ATAD2: variants seen among roughly 807,000 people sequenced by gnomAD.
ATAD2 encodes the protein ATPase family AAA domain-containing protein 2.
A neutral mutation model predicts 168.9 loss-of-function variants in ATAD2; 62 were observed. The ratio of observed to expected loss-of-function variants is 0.37; its 90% CI spans 0.30 to 0.45. The LOEUF is 0.45. Among genes scored for constraint, ATAD2 ranks in the 20% least tolerant of loss-of-function variants. The pLI, the probability that ATAD2 is intolerant of heterozygous loss-of-function variation, is 1.00. For synonymous variants in ATAD2, 613 were observed against 571.6 expected, an observed-to-expected ratio of 1.07 and a Z score of -1.03; for missense variants, 1,419 against 1,667.8, an observed-to-expected ratio of 0.85 and a Z score of 2.60.
intron 2 of ATAD2, among the ~76,000 whole-genome samples, chr8:123,377,194 G>T (rs1829345474): frequency 6.6e-6 from 1 of 150,578 alleles, no homozygotes. Context: ...ACTTGAGCCT[G>T]GGGGGTTGAG....
At chr8:123,340,112 A>T (rs1288403155) in intron 19 of ATAD2, among the ~76,000 whole-genome samples, 2 of 152,022 alleles carry the variant, frequency 1.3e-5, no homozygotes, top group African/African-American at 4.8e-5. Flanking sequence ...CTGATCTCAA[A>T]TTCCTGGGCT....
intron 19 of ATAD2, among the ~76,000 whole-genome samples, chr8:123,343,544 T>A (rs1165955853): frequency 6.6e-6 from 1 of 152,176 alleles, no homozygotes; most frequent in Non-Finnish European, 1.5e-5. Context: ...CTTTAGTAAG[T>A]ATTTGAGCTT....
rs188107739 is a variant in ATAD2 at position 123,359,276 on chromosome 8, C to A, written c.1327G>T (p.Val443Leu). The A allele has an allele frequency of 2.5e-6, 4 of 1,612,838 alleles. No homozygotes were observed. The Admixed American group carries it at 5.0e-5, about 20-fold the overall frequency. ...NHIAALKEMV[V>L]FPLLYPEVFE... ...ACTTCTGGATAAAGTAATGGAAACA[C>A]CACCATCTCTTTTAGAGCTGCTATA... Residue 443 changes from valine to leucine, a missense_variant, in exon 11 of 28, where the codon GTG becomes TTG. This residue lies in a region of ATAD2 where 146 missense variants were observed against 188.3 expected (regional missense o/e 0.78). Coordinates refer to ENST00000287394, the MANE Select transcript of ATAD2 (RefSeq NM_014109.4).
intron 1 of ATAD2, among the ~76,000 whole-genome samples, chr8:123,386,607 A>G (rs1563863333): frequency 6.6e-6 from 1 of 152,164 alleles, no homozygotes; most frequent in Non-Finnish European, 1.5e-5. Flanking sequence ...TTGCAGAACA[A>G]TGTGAATGTA....
In ATAD2 at chr8:123,320,224, T is replaced by C. The variant is rs1416509552; in HGVS notation, c.*910A>G. 6.6e-6 allele frequency: 1 copy of C among 152,072 alleles called. No individual in the cohort carries two copies. Among genetic ancestry groups the C allele is most frequent in the Admixed American group, 6.6e-5 (1 of 15,256 alleles). 9.4% of individuals were successfully genotyped at this position (152,072 alleles called of 1,614,324 possible). On this transcript the variant is annotated 3_prime_UTR_variant, in exon 28 of 28. Coordinates refer to ENST00000287394, the MANE Select transcript of ATAD2 (RefSeq NM_014109.4). ...CAACAGAAGCTATTTCACAAACTGA[T>C]TATTAGAATGTCTTCTCCCCACTCT...
intron 9 of ATAD2, among the ~76,000 whole-genome samples, chr8:123,361,074 TG>T (rs1828803989): frequency 6.6e-6 from 1 of 152,056 alleles, no homozygotes; most frequent in Non-Finnish European, 1.5e-5. Flanking sequence ...TCCATAGCTT[TG>T]GGAGGCTGAG....
intron 24 of ATAD2, among the ~76,000 whole-genome samples, chr8:123,331,109 T>C (rs553049559): frequency 6.6e-6 from 1 of 152,164 alleles, no homozygotes; most frequent in African/African-American, 2.4e-5. Flanking sequence ...CCCAGCTAGT[T>C]GTTGTATTTT....
Position 123,396,297 on chromosome 8 carries a change from A to G in ATAD2, c.61T>C (p.Ser21Pro), listed in dbSNP as rs765599189. The change falls in exon 1 of 28, where the codon TCC becomes CCC. Residue 21 changes from serine to proline, a missense_variant. Coordinates refer to ENST00000287394, the MANE Select transcript of ATAD2 (RefSeq NM_014109.4). ...AGGAAGTCACTGGACAGGTCCAAGG[A>G]GCCCGTGGCCGAGGCCGCGGAGTGG... ...HNHSAASATG[S>P]LDLSSDFLSL... The G allele has an allele frequency of 1.1e-4, 183 of 1,610,524 alleles. No homozygotes were observed. The highest frequency in any genetic ancestry group is 9.3e-4 in the Admixed American group (56 of 59,968).
intron 19 of ATAD2, among the ~76,000 whole-genome samples, chr8:123,340,072 T>A (rs1828022738): frequency 6.6e-6 from 1 of 152,050 alleles, no homozygotes; most frequent in Non-Finnish European, 1.5e-5. Flanking sequence ...AAACTTTTTG[T>A]AGAGATAGGG....
chr8:123,389,976 A>G (rs1485240462), intron 1 of ATAD2, among the ~76,000 whole-genome samples: 5 of 121,310 alleles, frequency 4.1e-5, no homozygotes, highest in African/African-American at 1.6e-4. Flanking sequence ...ATATATATAT[A>G]TATATATATT....
Position 123,328,574 on chromosome 8 carries a change from A to T in ATAD2, c.3484T>A (p.Leu1162Met), listed in dbSNP as rs761141968. The part of the protein sequence containing the change: ...TPVACSTPAQ[L>M]KRKIRKKSNW... Reference sequence around the variant, plus strand: ...GACTTTTTGCGAATTTTCCTCTTCAACTGAGCTTCAAGAAATTTAAAGAAA... The same window carrying T: ...GACTTTTTGCGAATTTTCCTCTTCATCTGAGCTTCAAGAAATTTAAAGAAA... Residue 1162 changes from leucine (L) to methionine (M), a missense_variant, in exon 25 of 28, where the codon TTG becomes ATG. By Grantham distance (15) the Leu-to-Met change is conservative (BLOSUM62 2). Transcript: ENST00000287394. 2.6e-6 allele frequency: 4 copies of T among 1,520,558 alleles called. No individual in the cohort carries two copies. In the East Asian group the frequency reaches 9.3e-5, roughly 35 times the overall value. The allele number at this position is 1,520,558 out of a possible 1,614,324, so 94.2% of individuals were successfully genotyped here.
chr8:123,395,477 A>T (rs879496095), intron 1 of ATAD2, among the ~76,000 whole-genome samples: 1 of 152,190 alleles, frequency 6.6e-6, no homozygotes, highest in Admixed American at 6.5e-5. Flanking sequence ...CGGCATAGAA[A>T]GGGAACGATT....
chr8:123,336,908 G>A (rs1827931067), intron 21 of ATAD2, among the ~76,000 whole-genome samples: 2 of 152,056 alleles, frequency 1.3e-5, no homozygotes, highest in Admixed American at 1.3e-4. Context: ...TTGGGAGGCT[G>A]AGACAGGAAG....
chr8:123,371,522 T>C, intron 4 of ATAD2, 148 bp downstream of exon 4: 1 of 818,738 alleles, frequency 1.2e-6, no homozygotes, highest in Non-Finnish European at 1.8e-6. Flanking sequence ...ATATACAGAA[T>C]TGTCACAAAG....
chr8:123,369,025 T>C, intron 8 of ATAD2, 33 bp downstream of exon 8: 1 of 1,304,860 alleles, frequency 7.7e-7, no homozygotes, highest in Non-Finnish European at 1.1e-6. Context: ...ACAATTATGT[T>C]GTCATAAATC....
chr8:123,393,236 C>G (rs1298593478), intron 1 of ATAD2, among the ~76,000 whole-genome samples: 1 of 149,812 alleles, frequency 6.7e-6, no homozygotes, highest in Non-Finnish European at 1.5e-5. Context: ...ATTGGTGGGG[C>G]GTGGTGGTTC....
intron 4 of ATAD2, 108 bp downstream of exon 4, chr8:123,371,562 T>C (rs1453415098): frequency 1.0e-6 from 1 of 998,150 alleles, no homozygotes; most frequent in Non-Finnish European, 1.4e-6. Flanking sequence ...CTGTACGCTT[T>C]ACGTAGTAGA....
rs944572066 is a variant in ATAD2 at position 123,345,031 on chromosome 8, C to T, written c.2571G>A (p.Val857=). The T allele has an allele frequency of 1.2e-6, 2 of 1,613,704 alleles. No individual in the cohort carries two copies. The highest frequency in any genetic ancestry group is 2.2e-5 in the East Asian group (1 of 44,864). The change falls in exon 19 of 28, where the codon GTG becomes GTA. Residue 857 remains valine, a synonymous_variant. Coordinates refer to ENST00000287394, the MANE Select transcript of ATAD2 (RefSeq NM_014109.4). ...REAKRTAPSI[V]YVPHIHVWWE... ...ACCACACGTGGATATGAGGAACATA[C>T]ACTATACTTGGTGCTGTTCTCTTAG... is the stretch of plus-strand genomic sequence containing the variant.
chr8:123,327,418 T>C (rs1267294209), intron 25 of ATAD2, among the ~76,000 whole-genome samples: 2 of 152,090 alleles, frequency 1.3e-5, no homozygotes, highest in Non-Finnish European at 2.9e-5. Flanking sequence ...CTAGAAAGTA[T>C]ATCCTAGTCT....
Sources: allele counts gnomAD v4.1 joint callset (sites outside exome capture counted in the v4.1 genomes callset), GRCh38; gene constraint gnomAD v4.1.1; regional missense constraint gnomAD v4.1.1; transcripts MANE v1.5; gene names NCBI Gene and HGNC (gene_info 2026-07-23, HGNC 2026-07-21).